SEC22A: variants seen among roughly 807,000 people sequenced by gnomAD.
SEC22A encodes SEC22 homolog A, vesicle trafficking protein.
Under a neutral mutation model 35.3 loss-of-function variants are expected in SEC22A, and 22 were observed. The observed-to-expected ratio is 0.62, with a 90% confidence interval of 0.45 to 0.89. The LOEUF is 0.89. Ranked by LOEUF, SEC22A falls within the 40% of genes least tolerant of loss-of-function variation. The probability of loss-of-function intolerance (pLI) is 0.00; values close to 1 mark genes in which losing one functional copy is unlikely to be tolerated. For missense variants in SEC22A, 354 were observed against 362.5 expected (o/e 0.98, Z 0.19); for synonymous variants, 119 against 129.5 (o/e 0.92, Z 0.55).
rs1399651570 is a variant in SEC22A at position 123,220,877 on chromosome 3, TATAC to T, written c.183-2678_183-2675del. Among the ~76,000 whole-genome samples the T allele has an allele frequency of 2.0e-3, 235 of 116,086 alleles. 13 individuals carry two copies. Among genetic ancestry groups the T allele is most frequent in the African/African-American group, 5.7e-3 (151 of 26,710 alleles). The allele number at this position is 116,086 out of a possible 152,430, so 76.2% of individuals were successfully genotyped here. ...CTTTAAAAAAGGTCTCATATATATATATACATATATATATATATATGTCACATGT... is the reference window on the plus strand; with the variant it reads ...CTTTAAAAAAGGTCTCATATATATATATATATATATATATATGTCACATGT... On this transcript the variant is annotated intron_variant, in intron 2 of 6. Coordinates refer to ENST00000492595, the MANE Select transcript of SEC22A (RefSeq NM_012430.5).
chr3:123,208,212 CTT>C (rs1393661323), intron 1 of SEC22A: 1 of 152,110 alleles, frequency 6.6e-6, no homozygotes, highest in Non-Finnish European at 1.5e-5. Context: ...ACAAACATAA[CTT>C]TTAGTTGCTG....
chr3:123,214,495 A>G (rs1449618576), intron 2 of SEC22A, among the ~76,000 whole-genome samples: 1 of 152,134 alleles, frequency 6.6e-6, no homozygotes, highest in Non-Finnish European at 1.5e-5. Context: ...CAGTTTTGTG[A>G]TTTCTTCTCA....
chr3:123,238,572 A>G (rs1239641198), intron 4 of SEC22A, among the ~76,000 whole-genome samples: 1 of 152,208 alleles, frequency 6.6e-6, no homozygotes, highest in East Asian at 1.9e-4. Context: ...ATGGTCCCCA[A>G]GTTAAAATAT....
rs116006808 is a variant in SEC22A at position 123,265,073 on chromosome 3, T to C, written c.723+5484T>C. Reference sequence around the variant, plus strand: ...TAAACCAACCATGGATTGAAAATATTTGGAAACATATTGCATCCATACTGA... The same window carrying C: ...TAAACCAACCATGGATTGAAAATATCTGGAAACATATTGCATCCATACTGA... On this transcript the variant is annotated intron_variant, in intron 6 of 6. Transcript: ENST00000492595. Among the ~76,000 whole-genome samples the C allele has an allele frequency of 3.7e-3, 557 of 152,360 alleles. 1 individual carries two copies. The highest frequency in any genetic ancestry group is 6.8e-3 in the Middle Eastern group (2 of 294).
intron 1 of SEC22A, among the ~76,000 whole-genome samples, chr3:123,207,788 C>T (rs1232756810): frequency 6.6e-6 from 1 of 152,112 alleles, no homozygotes; most frequent in Non-Finnish European, 1.5e-5. Context: ...CAGACTCAGG[C>T]CTGTGAAGTC....
intron 5 of SEC22A, among the ~76,000 whole-genome samples, chr3:123,246,272 T>G (rs1937565811): frequency 2.6e-5 from 4 of 152,222 alleles, no homozygotes; most frequent in Admixed American, 6.5e-5. Context: ...GACATAGGCC[T>G]TGCAGTCTCA....
intron 1 of SEC22A, among the ~76,000 whole-genome samples, chr3:123,207,265 G>A (rs1199138145): frequency 6.6e-6 from 1 of 152,098 alleles, no homozygotes; most frequent in Non-Finnish European, 1.5e-5. Flanking sequence ...ACTTCACACA[G>A]CAGTGAAAAC....
chr3:123,222,272 CTT>C lies in SEC22A; in HGVS notation c.183-1285_183-1284del, dbSNP rs1444605228. On this transcript the variant is annotated intron_variant, in intron 2 of 6. Coordinates refer to ENST00000492595, the MANE Select transcript of SEC22A (RefSeq NM_012430.5). ...GGAGTGCAATGGCGCAATCTCGGCTCTTTGCAACCTCCACCTCCTGGGTTCAA... is the reference window on the plus strand; with the variant it reads ...GGAGTGCAATGGCGCAATCTCGGCTCTGCAACCTCCACCTCCTGGGTTCAA... 1.6e-4 allele frequency among the ~76,000 whole-genome samples: 24 copies of C among 152,202 alleles called. No homozygotes were observed. In the South Asian group the frequency reaches 4.8e-3, roughly 30 times the overall value.
intron 2 of SEC22A, among the ~76,000 whole-genome samples, chr3:123,210,269 G>T (rs764857268): frequency 6.6e-6 from 1 of 152,202 alleles, no homozygotes; most frequent in African/African-American, 2.4e-5. Context: ...GGTGCTGATT[G>T]TAACGAGCTA....
chr3:123,236,283 A>T (rs1464131674), intron 4 of SEC22A, among the ~76,000 whole-genome samples: 1 of 152,198 alleles, frequency 6.6e-6, no homozygotes, highest in Non-Finnish European at 1.5e-5. Flanking sequence ...GGAGTAGGTA[A>T]TTCAGACCAC....
intron 3 of SEC22A, 57 bp downstream of exon 3, chr3:123,223,779 T>C: frequency 7.6e-7 from 1 of 1,319,086 alleles, no homozygotes; most frequent in Admixed American, 2.0e-5. Context: ...CATAAGCAAT[T>C]TTAAATCTAA....
rs1225565985 is a variant in SEC22A at position 123,236,065 on chromosome 3, AC to A, written c.542-9833del. Among the ~76,000 whole-genome samples the A allele has an allele frequency of 1.2e-4, 18 of 152,318 alleles. No homozygotes were observed. The East Asian group carries it at 3.3e-3, about 28-fold the overall frequency. The stretch of plus-strand genomic sequence containing the variant: ...GAGGAATGGAGGGAAATAGGCAGTG[AC>A]TACTAATAGGTATAAGATTTCTTTT... On this transcript the variant is annotated intron_variant, in intron 4 of 6. Transcript: ENST00000492595.
intron 2 of SEC22A, among the ~76,000 whole-genome samples, chr3:123,210,240 T>G (rs1936918449): frequency 1.3e-5 from 2 of 152,202 alleles, no homozygotes; most frequent in Non-Finnish European, 2.9e-5. Flanking sequence ...GATGGAAGAC[T>G]CAGAGAAGTT....
At chr3:123,248,144 AG>A (rs1420061035) in intron 5 of SEC22A, among the ~76,000 whole-genome samples, 4 of 152,238 alleles carry the variant, frequency 2.6e-5, no homozygotes, top group Non-Finnish European at 4.4e-5. Context: ...CCCTAAGACC[AG>A]GAACAGGGCA....
chr3:123,258,002 A>C (rs1262738200), intron 5 of SEC22A, among the ~76,000 whole-genome samples: 3 of 151,770 alleles, frequency 2.0e-5, no homozygotes, highest in Admixed American at 6.6e-5. Context: ...ATTGAAAAAA[A>C]AAAAAAGGAA....
chr3:123,250,500 T>A (rs532666890), intron 5 of SEC22A, among the ~76,000 whole-genome samples: 2 of 152,218 alleles, frequency 1.3e-5, no homozygotes, highest in Non-Finnish European at 2.9e-5. Flanking sequence ...AGTTAGGTGT[T>A]GCTCCATTTG....
chr3:123,216,485 T>A (rs567588405), intron 2 of SEC22A, among the ~76,000 whole-genome samples: 2 of 152,356 alleles, frequency 1.3e-5, no homozygotes. Context: ...TCATCTGGCA[T>A]ATTTCATATT....
At chr3:123,209,997 G>A (rs565035176) in intron 2 of SEC22A, among the ~76,000 whole-genome samples, 1 of 152,310 alleles carries the variant, frequency 6.6e-6, no homozygotes, top group East Asian at 1.9e-4. Context: ...AAGAAAACCA[G>A]TGATCCTGAA....
chr3:123,218,069 A>G (rs1197933330), intron 2 of SEC22A, among the ~76,000 whole-genome samples: 3 of 152,246 alleles, frequency 2.0e-5, no homozygotes, highest in Admixed American at 6.5e-5. Context: ...TTTAATGTGT[A>G]AAACCATTTA....
Sources: gnomAD v4.1 joint callset for allele counts (sites outside exome capture counted in the v4.1 genomes callset) on GRCh38, gnomAD v4.1.1 for gene constraint, MANE v1.5 for transcripts, NCBI Gene and HGNC (gene_info 2026-07-23, HGNC 2026-07-21) for gene names.